The following RBFOX1 variants were observed in gnomAD, a reference collection of about 807,000 sequenced individuals.
RBFOX1 encodes the protein RNA binding fox-1 homolog 1, also known as RNA binding protein fox-1 homolog 1.
In RBFOX1, 8 loss-of-function variants were observed where a neutral mutation model predicts 57.7. The observed-to-expected ratio is 0.14, with a 90% CI of 0.08 to 0.25. The LOEUF (loss-of-function observed/expected upper bound fraction) is 0.25. Among genes scored for constraint, RBFOX1 ranks in the 10% least tolerant of loss-of-function variants. The pLI, the probability that RBFOX1 is intolerant of heterozygous loss-of-function variation, is 1.00. For synonymous variants in RBFOX1, 326 were observed against 222.4 expected (o/e 1.47, Z -4.15); for missense variants, 611 against 548.5 (o/e 1.11, Z -1.14).
intron 1 of RBFOX1, among the ~76,000 whole-genome samples, chr16:6,260,604 A>G (rs1384585665): frequency 6.6e-6 from 1 of 152,192 alleles, no homozygotes; most frequent in Non-Finnish European, 1.5e-5. Context: ...CAGGCCAGGC[A>G]TGGTGGCTCA....
At chr16:6,662,174 C>A (rs1164961446) in intron 3 of RBFOX1, among the ~76,000 whole-genome samples, 1 of 151,994 alleles carries the variant, frequency 6.6e-6, no homozygotes, top group Admixed American at 6.5e-5. Context: ...AGGATACAAA[C>A]CCTCATCATC....
intron 1 of RBFOX1, among the ~76,000 whole-genome samples, chr16:5,311,284 T>G (rs2064082189): frequency 6.6e-6 from 1 of 152,188 alleles, no homozygotes; most frequent in Non-Finnish European, 1.5e-5. Context: ...ATATCACATT[T>G]TCTTTTTTCA....
intron 1 of RBFOX1, among the ~76,000 whole-genome samples, chr16:6,182,890 A>G (rs557798799): frequency 7.9e-5 from 12 of 152,306 alleles, no homozygotes; most frequent in Admixed American, 4.6e-4. Context: ...TGAACCTGTT[A>G]ATGTACTTTT....
intron 1 of RBFOX1, among the ~76,000 whole-genome samples, chr16:6,095,800 G>A (rs145799793): frequency 1.3e-5 from 2 of 152,188 alleles, no homozygotes; most frequent in African/African-American, 4.8e-5. Context: ...CCTGAGTCTG[G>A]GATCGTTACC....
At chr16:6,846,388 A>G (rs6500850) in intron 3 of RBFOX1, among the ~76,000 whole-genome samples, 1 of 152,064 alleles carries the variant, frequency 6.6e-6, no homozygotes, top group African/African-American at 2.4e-5. Context: ...GTATTGCTGA[A>G]AAGCAGGCCT....
At chr16:6,862,436 A>G (rs1380105971) in intron 3 of RBFOX1, among the ~76,000 whole-genome samples, 1 of 152,182 alleles carries the variant, frequency 6.6e-6, no homozygotes, top group Non-Finnish European at 1.5e-5. Flanking sequence ...ATTCGGTGCT[A>G]TGGGGATGCA....
intron 3 of RBFOX1, among the ~76,000 whole-genome samples, chr16:6,751,001 C>T (rs1365818572): frequency 6.6e-6 from 1 of 151,942 alleles, no homozygotes; most frequent in Non-Finnish European, 1.5e-5. Flanking sequence ...GAGGAAGGAT[C>T]ATTAGAAACA....
chr16:7,139,176 C>CTCTCTGTGTGTG (rs372381673), intron 4 of RBFOX1, among the ~76,000 whole-genome samples: 29 of 145,904 alleles, frequency 2.0e-4, no homozygotes, highest in East Asian at 1.6e-3. Flanking sequence ...CAATCTCTCT[C>CTCTCTGTGTGTG]TGTGTGTGTG....
intron 1 of RBFOX1, among the ~76,000 whole-genome samples, chr16:5,260,068 G>T (rs986805497): frequency 6.6e-6 from 1 of 152,148 alleles, no homozygotes; most frequent in Admixed American, 6.5e-5. Flanking sequence ...AGGCATGATG[G>T]TGCATGCCTA....
intron 1 of RBFOX1, among the ~76,000 whole-genome samples, chr16:5,356,498 C>G (rs1189722472): frequency 6.6e-6 from 1 of 152,188 alleles, no homozygotes; most frequent in Non-Finnish European, 1.5e-5. Flanking sequence ...TGCTTGTGCC[C>G]TGCCCTGTGC....
chr16:7,286,989 A>C (rs1051764432), intron 4 of RBFOX1, among the ~76,000 whole-genome samples: 6 of 152,070 alleles, frequency 3.9e-5, no homozygotes, highest in Non-Finnish European at 7.4e-5. Flanking sequence ...CTACATAACC[A>C]CTTGCCTCAT....
intron 4 of RBFOX1, among the ~76,000 whole-genome samples, chr16:7,217,761 A>G (rs776647762): frequency 3.3e-5 from 5 of 152,260 alleles, no homozygotes; most frequent in Non-Finnish European, 7.3e-5. Context: ...GCAAGGAGAC[A>G]TCAGAAAGAA....
intron 2 of RBFOX1, among the ~76,000 whole-genome samples, chr16:6,379,406 C>T (rs985232347): frequency 6.6e-5 from 10 of 151,942 alleles, no homozygotes; most frequent in African/African-American, 2.2e-4. Context: ...TTCTAATGGC[C>T]CCCGCCCCCC....
intron 1 of RBFOX1, among the ~76,000 whole-genome samples, chr16:5,316,218 T>C (rs1450499798): frequency 6.6e-6 from 1 of 152,246 alleles, no homozygotes; most frequent in African/African-American, 2.4e-5. Flanking sequence ...ACAACTTCCC[T>C]CAGATGCTTT....
chr16:5,767,710 C>T (rs1014863967), intron 3 of RBFOX1, among the ~76,000 whole-genome samples: 1 of 152,096 alleles, frequency 6.6e-6, no homozygotes, highest in Admixed American at 6.5e-5. Flanking sequence ...ATAAATGAAG[C>T]TTTGTTGACA....
At chr16:7,199,437 G>C (rs909411042) in intron 4 of RBFOX1, among the ~76,000 whole-genome samples, 30 of 152,146 alleles carry the variant, frequency 2.0e-4, no homozygotes, top group Admixed American at 1.2e-3. Flanking sequence ...AAATGTCTTT[G>C]GAAATGAATG....
intron 3 of RBFOX1, among the ~76,000 whole-genome samples, chr16:5,822,535 C>T (rs1408688927): frequency 6.6e-6 from 1 of 152,196 alleles, no homozygotes; most frequent in Non-Finnish European, 1.5e-5. Flanking sequence ...TACTCTATAG[C>T]ATAGATCCTA....
chr16:5,897,282 G>A (rs1040431691), intron 4 of RBFOX1, among the ~76,000 whole-genome samples: 4 of 151,640 alleles, frequency 2.6e-5, no homozygotes, highest in South Asian at 2.1e-4. Context: ...TGATCCACCC[G>A]CCTCGGCCTC....
chr16:5,619,687 G>C (rs893540378), intron 3 of RBFOX1, among the ~76,000 whole-genome samples: 2 of 152,186 alleles, frequency 1.3e-5, no homozygotes, highest in African/African-American at 4.8e-5. Flanking sequence ...GCTGTTGCCA[G>C]AAACTCTTGG....
Sources: allele counts gnomAD v4.1 joint callset (sites outside exome capture counted in the v4.1 genomes callset), GRCh38; gene constraint gnomAD v4.1.1; transcripts MANE v1.5; gene names NCBI Gene and HGNC (gene_info 2026-07-23, HGNC 2026-07-21).